Variants in TENM4 observed in about 807,000 individuals in gnomAD.
TENM4 encodes the protein teneurin transmembrane protein 4.
A neutral mutation model predicts 243.3 loss-of-function variants in TENM4; 82 were observed. The ratio of observed to expected loss-of-function variants is 0.34; its 90% CI spans 0.28 to 0.40. The LOEUF is 0.40. Ranked by LOEUF, TENM4 falls within the 10% of genes least tolerant of loss-of-function variation. The pLI, the probability that TENM4 is intolerant of heterozygous loss-of-function variation, is 1.00. For missense variants in TENM4, 3,138 were observed against 3,673.3 expected, an observed-to-expected ratio of 0.85 and a Z score of 3.77; for synonymous variants, 1,412 against 1,456.3, an observed-to-expected ratio of 0.97 and a Z score of 0.69.
chr11:79,305,387 A>G (rs1434162109), intron 1 of TENM4, among the ~76,000 whole-genome samples: 4 of 151,742 alleles, frequency 2.6e-5, no homozygotes, highest in Non-Finnish European at 5.9e-5. Flanking sequence ...AATCATGGTT[A>G]ATAAGACATG....
At chr11:78,820,339 T>C (rs1857699993) in intron 12 of TENM4, among the ~76,000 whole-genome samples, 1 of 152,246 alleles carries the variant, frequency 6.6e-6, no homozygotes, top group Non-Finnish European at 1.5e-5. Flanking sequence ...GGGGAAAATC[T>C]GGTAGGTGAA....
At chr11:79,020,538 T>C (rs1858899332) in intron 6 of TENM4, among the ~76,000 whole-genome samples, 1 of 152,198 alleles carries the variant, frequency 6.6e-6, no homozygotes, top group Admixed American at 6.5e-5. Context: ...GAACAATAGC[T>C]TGCAGCTCTA....
intron 12 of TENM4, among the ~76,000 whole-genome samples, chr11:78,833,268 T>G (rs1858023585): frequency 6.6e-6 from 1 of 152,234 alleles, no homozygotes; most frequent in Admixed American, 6.5e-5. Flanking sequence ...CTTTGCTATT[T>G]CTTCCAGAAT....
At chr11:79,293,701 T>TG (rs1447418727) in intron 2 of TENM4, among the ~76,000 whole-genome samples, 3 of 152,108 alleles carry the variant, frequency 2.0e-5, no homozygotes, top group African/African-American at 7.2e-5. Context: ...AGAGTCTGTC[T>TG]GGGTGGCTTT....
At chr11:78,765,036 G>A (rs780193522) in intron 18 of TENM4, among the ~76,000 whole-genome samples, 5 of 152,174 alleles carry the variant, frequency 3.3e-5, no homozygotes, top group Non-Finnish European at 4.4e-5. Flanking sequence ...CATGGACAGT[G>A]TATAGCAAGC....
intron 15 of TENM4, among the ~76,000 whole-genome samples, chr11:78,790,842 T>C (rs919846788): frequency 7.9e-5 from 12 of 152,160 alleles, no homozygotes; most frequent in African/African-American, 2.4e-4. Context: ...CAGACCCTGA[T>C]ATATGTGAAA....
intron 3 of TENM4, among the ~76,000 whole-genome samples, chr11:79,173,711 C>A (rs903995279): frequency 2.0e-5 from 3 of 152,156 alleles, no homozygotes; most frequent in African/African-American, 7.2e-5. Context: ...TTGCATAAAG[C>A]CTGGTGCAGA....
intron 12 of TENM4, among the ~76,000 whole-genome samples, chr11:78,825,168 A>G (rs567482682): frequency 4.6e-5 from 7 of 152,246 alleles, no homozygotes; most frequent in African/African-American, 1.7e-4. Context: ...TTTAGCCTTT[A>G]GAGTCACTAC....
intron 6 of TENM4, among the ~76,000 whole-genome samples, chr11:79,000,682 C>A (rs1185320367): frequency 1.3e-5 from 2 of 152,004 alleles, no homozygotes; most frequent in African/African-American, 4.8e-5. Flanking sequence ...ATTTAACATA[C>A]AAAAGGTAGT....
intron 3 of TENM4, among the ~76,000 whole-genome samples, chr11:79,176,825 G>A (rs921835827): frequency 6.6e-6 from 1 of 152,160 alleles, no homozygotes; most frequent in African/African-American, 2.4e-5. Flanking sequence ...GGAAGAGAAA[G>A]CACAGACCAA....
At chr11:79,258,786 G>C (rs1374482836) in intron 2 of TENM4, among the ~76,000 whole-genome samples, 2 of 152,118 alleles carry the variant, frequency 1.3e-5, no homozygotes, top group Non-Finnish European at 2.9e-5. Context: ...TTAAGCAAGT[G>C]CTCCCCCACC....
At chr11:79,153,012 CT>C (rs1446890196) in intron 3 of TENM4, among the ~76,000 whole-genome samples, 1 of 152,164 alleles carries the variant, frequency 6.6e-6, no homozygotes, top group Non-Finnish European at 1.5e-5. Flanking sequence ...TTTAGAATGG[CT>C]TTCCATCACT....
chr11:78,987,001 A>G (rs1265963771), intron 6 of TENM4, among the ~76,000 whole-genome samples: 1 of 152,244 alleles, frequency 6.6e-6, no homozygotes, highest in African/African-American at 2.4e-5. Flanking sequence ...AAAGGAATAT[A>G]TAAACACATA....
At chr11:78,725,234 C>G (rs187389312) in intron 23 of TENM4, among the ~76,000 whole-genome samples, 1 of 152,194 alleles carries the variant, frequency 6.6e-6, no homozygotes, top group African/African-American at 2.4e-5. Flanking sequence ...TTAAAGGCTG[C>G]GTTAGCTATT....
At chr11:78,873,855 C>T (rs1044082194) in intron 9 of TENM4, among the ~76,000 whole-genome samples, 4 of 152,078 alleles carry the variant, frequency 2.6e-5, no homozygotes, top group Non-Finnish European at 5.9e-5. Context: ...GTCTCTTGAG[C>T]CTGCCTGGCC....
chr11:78,669,313 G>A lies in TENM4; in HGVS notation c.7032C>T (p.His2344=). ...CACTGCTCAGCTCCATGGCAAAGAG[G>A]TGTCCTTGCAAGTCGTAGTAGAGGG... ...ITSLYYDLQG[H]LFAMELSSGD... The change falls in exon 32 of 34, where the codon CAC becomes CAT. Residue 2344 remains histidine (H), a synonymous_variant. Transcript: ENST00000278550. This position sits in a 1 kb window ranked among gnomAD's most constrained non-coding sequence, Gnocchi z 6.4. The A allele has an allele frequency of 6.2e-7, 1 of 1,613,956 alleles. No homozygotes were observed. Among genetic ancestry groups the A allele is most frequent in the Non-Finnish European group, 8.5e-7 (1 of 1,179,858 alleles).
chr11:78,830,730 A>T lies in TENM4; in HGVS notation c.1682-16335T>A, dbSNP rs1815540654. 2.6e-5 allele frequency among the ~76,000 whole-genome samples: 4 copies of T among 152,196 alleles called. No individual in the cohort carries two copies. The South Asian group carries it at 8.3e-4, about 32-fold the overall frequency. On this transcript the variant is annotated intron_variant, in intron 12 of 33. Coordinates refer to ENST00000278550, the MANE Select transcript of TENM4 (RefSeq NM_001098816.3). ...TCGCTTTCCTCTCAGACCCTGGGGAAATCCCAACCTTCACACTCAGCCGCC... is the reference window on the plus strand; with the variant it reads ...TCGCTTTCCTCTCAGACCCTGGGGATATCCCAACCTTCACACTCAGCCGCC...
intron 1 of TENM4, among the ~76,000 whole-genome samples, chr11:79,364,357 C>G (rs545509240): frequency 6.6e-6 from 1 of 152,286 alleles, no homozygotes; most frequent in South Asian, 2.1e-4. Context: ...AAGGGTTCCT[C>G]TGTAGTCTCT....
chr11:78,843,816 A>C (rs1215491883), intron 12 of TENM4, among the ~76,000 whole-genome samples: 1 of 152,238 alleles, frequency 6.6e-6, no homozygotes, highest in African/African-American at 2.4e-5. Flanking sequence ...CTGAGGACAG[A>C]AAGAGCCTTC....
Sources: gnomAD v4.1 joint callset for allele counts (sites outside exome capture counted in the v4.1 genomes callset) on GRCh38, gnomAD v4.1.1 for gene constraint, Gnocchi (gnomAD v3.1) non-coding constraint, MANE v1.5 for transcripts, NCBI Gene and HGNC (gene_info 2026-07-23, HGNC 2026-07-21) for gene names.